Variants in UBE2Q2 observed in about 807,000 individuals in gnomAD.
UBE2Q2 encodes the protein ubiquitin conjugating enzyme E2 Q2, also known as ubiquitin-conjugating enzyme E2 Q2.
Under a neutral mutation model 59.9 loss-of-function variants are expected in UBE2Q2, and 54 were observed. That is an observed-to-expected ratio of 0.90 (90% CI 0.72 to 1.13). UBE2Q2 has a LOEUF of 1.13. UBE2Q2 is among the 50% of genes most tolerant of loss of function. The probability of loss-of-function intolerance (pLI) is 0.00; values close to 1 mark genes in which losing one functional copy is unlikely to be tolerated. For synonymous variants in UBE2Q2, 165 were observed against 155.2 expected (o/e 1.06, Z -0.47); for missense variants, 433 against 441.9 (o/e 0.98, Z 0.18).
chr15:75,858,228 A>G (rs1897019785), intron 2 of UBE2Q2, among the ~76,000 whole-genome samples: 1 of 152,144 alleles, frequency 6.6e-6, no homozygotes, highest in Non-Finnish European at 1.5e-5. Context: ...TCATCTCCAG[A>G]GTTTCAAACC....
intron 2 of UBE2Q2, 48 bp downstream of exon 2, chr15:75,854,535 A>G (rs1260430971): frequency 1.7e-6 from 2 of 1,164,300 alleles, no homozygotes; most frequent in South Asian, 1.4e-5. Flanking sequence ...TGAACATTAC[A>G]TATAGAAATT....
chr15:75,844,017 A>G (rs1030825430), intron 1 of UBE2Q2, 171 bp downstream of exon 1: 130 of 1,407,674 alleles, frequency 9.2e-5, no homozygotes, highest in Non-Finnish European at 1.0e-4. Context: ...GGACTGCGCG[A>G]GGCTTGGGTG....
intron 5 of UBE2Q2, among the ~76,000 whole-genome samples, chr15:75,873,814 G>C (rs1368061975): frequency 6.6e-6 from 1 of 152,132 alleles, no homozygotes; most frequent in African/African-American, 2.4e-5. Flanking sequence ...TGCTGCCTCA[G>C]CCTCCCAAGT....
chr15:75,865,169 A>G (rs1356166972), intron 3 of UBE2Q2, among the ~76,000 whole-genome samples: 1 of 152,248 alleles, frequency 6.6e-6, no homozygotes, highest in African/African-American at 2.4e-5. Flanking sequence ...CTTCTTCCTG[A>G]TCACTGTTCC....
intron 11 of UBE2Q2, among the ~76,000 whole-genome samples, chr15:75,891,833 T>C (rs1406624046): frequency 6.6e-6 from 1 of 152,162 alleles, no homozygotes; most frequent in Admixed American, 6.5e-5. Context: ...CAAGAATTTG[T>C]GGTTTAAAGG....
chr15:75,884,127 T>G lies in UBE2Q2; in HGVS notation c.884+703T>G, dbSNP rs867562852. 4.6e-5 allele frequency among the ~76,000 whole-genome samples: 7 copies of G among 152,100 alleles called. No individual in the cohort carries two copies. The South Asian group carries it at 1.5e-3, about 32-fold the overall frequency. ...TTATGGTTGGAAGTCTTACAGAAGGTGGGGAAAAGATCACAATTTGTTAGG... is the reference window on the plus strand; with the variant it reads ...TTATGGTTGGAAGTCTTACAGAAGGGGGGGAAAAGATCACAATTTGTTAGG... On this transcript the variant is annotated intron_variant, in intron 9 of 12. Coordinates refer to ENST00000267938, the MANE Select transcript of UBE2Q2 (RefSeq NM_173469.4).
intron 1 of UBE2Q2, among the ~76,000 whole-genome samples, chr15:75,852,928 C>T (rs2141549154): frequency 6.6e-6 from 1 of 152,330 alleles, no homozygotes; most frequent in South Asian, 2.1e-4. Flanking sequence ...TAAAAATATT[C>T]AGTTTCTGTG....
chr15:75,859,631 C>T (rs1897108510), intron 2 of UBE2Q2, among the ~76,000 whole-genome samples: 1 of 152,144 alleles, frequency 6.6e-6, no homozygotes, highest in South Asian at 2.1e-4. Flanking sequence ...AACTTCCTTC[C>T]TCTGCCCTTA....
intron 9 of UBE2Q2, among the ~76,000 whole-genome samples, chr15:75,888,430 C>T (rs1447757069): frequency 2.6e-5 from 4 of 152,156 alleles, no homozygotes; most frequent in Non-Finnish European, 5.9e-5. Flanking sequence ...ATAGTGTTTG[C>T]TGTACAACTT....
At position 75,876,294 on chromosome 15, in the gene UBE2Q2, T is replaced by G. The variant is rs746748719; in HGVS notation, c.673+23T>G. ...CAGGTAAGGATCTCTGGATCCCTGC[T>G]CTCTTTATGATTCTTCTGCTCTTTT... On this transcript the variant is annotated intron_variant, in intron 6 of 12. Coordinates refer to ENST00000267938, the MANE Select transcript of UBE2Q2 (RefSeq NM_173469.4). 2.5e-6 allele frequency: 4 copies of G among 1,580,658 alleles called. No homozygotes were observed. The South Asian group carries it at 4.5e-5, about 18-fold the overall frequency.
rs2028950 is a variant in UBE2Q2 at position 75,858,518 on chromosome 15, C to T, written c.283-1360C>T. 9.7e-3 allele frequency among the ~76,000 whole-genome samples: 1,471 copies of T among 152,262 alleles called. 25 individuals carry two copies. Among genetic ancestry groups the T allele is most frequent in the African/African-American group, 0.033 (1,361 of 41,540 alleles). On this transcript the variant is annotated intron_variant, in intron 2 of 12. Coordinates refer to ENST00000267938, the MANE Select transcript of UBE2Q2 (RefSeq NM_173469.4). ...TAGTAATTTTCTAAGACCTGTCCTT[C>T]TGAATGTCTCTTACTATTTTCCCTG... is the stretch of plus-strand genomic sequence containing the variant.
intron 1 of UBE2Q2, among the ~76,000 whole-genome samples, 166 bp from the exon 2 acceptor site, chr15:75,854,220 G>A (rs1896785065): frequency 6.6e-6 from 1 of 152,150 alleles, no homozygotes; most frequent in Non-Finnish European, 1.5e-5. Context: ...AAGGAGAATG[G>A]TTGTCTCAAA....
chr15:75,878,251 T>C (rs1292999640), intron 7 of UBE2Q2: 2 of 507,942 alleles, frequency 3.9e-6, no homozygotes, highest in Non-Finnish European at 6.9e-6. Flanking sequence ...ATAAAGTGTT[T>C]TATGGAGTTA....
chr15:75,844,295 C>G (rs1329934804), intron 1 of UBE2Q2: 2 of 1,545,524 alleles, frequency 1.3e-6, no homozygotes, highest in African/African-American at 2.7e-5. Context: ...GTCGGATTTT[C>G]CTTCTTCCCG....
Position 75,854,434 on chromosome 15 carries a change from C to A in UBE2Q2, c.229C>A (p.Pro77Thr), listed in dbSNP as rs373277569. ...GATATGGTTTGTGGATTCTGAAGAC[C>A]CAAATCTGACATCAGTTCTGGAACG... ...SPIWFVDSED[P>T]NLTSVLERLE... is the part of the protein sequence containing the mutation. Residue 77 changes from proline (P) to threonine (T), a missense_variant, in exon 2 of 13, where the codon CCA becomes ACA. Coordinates refer to ENST00000267938, the MANE Select transcript of UBE2Q2 (RefSeq NM_173469.4). The A allele has an allele frequency of 1.4e-5, 23 of 1,612,960 alleles. No homozygotes were observed. The African/African-American group carries it at 2.7e-4, about 19-fold the overall frequency.
Position 75,876,263 on chromosome 15 carries a change from A to G in UBE2Q2, c.665A>G (p.Tyr222Cys). Residue 222 changes from tyrosine (Y) to cysteine (C), a missense_variant, in exon 6 of 13, where the codon TAT becomes TGT. By Grantham distance (194) the Tyr-to-Cys change is radical (BLOSUM62 -2). Transcript: ENST00000267938. ...ELRDIYRSQS[Y>C]KTGIYSVELI... ...AGGGACATATACAGATCACAGAGTT[A>G]TAAAACAGGTAAGGATCTCTGGATC... 6.2e-7 allele frequency: 1 copy of G among 1,613,372 alleles called. No homozygotes were observed. Among genetic ancestry groups the G allele is most frequent in the South Asian group, 1.1e-5 (1 of 91,024 alleles).
intron 11 of UBE2Q2, among the ~76,000 whole-genome samples, chr15:75,893,338 G>A (rs1899211263): frequency 6.6e-6 from 1 of 152,150 alleles, no homozygotes; most frequent in African/African-American, 2.4e-5. Flanking sequence ...AACAAAATAG[G>A]ATTCTGGAAC....
intron 5 of UBE2Q2, 31 bp downstream of exon 5, chr15:75,873,599 C>G: frequency 1.3e-6 from 2 of 1,585,792 alleles, no homozygotes; most frequent in Non-Finnish European, 1.7e-6. Flanking sequence ...AGAACCTGGA[C>G]TTTTGTGGTT....
chr15:75,876,713 TAA>T (rs1173709692), intron 6 of UBE2Q2, among the ~76,000 whole-genome samples: 3 of 152,246 alleles, frequency 2.0e-5, no homozygotes, highest in Admixed American at 6.5e-5. Flanking sequence ...TTAAAATATA[TAA>T]GTTTTTAAAG....
Sources: gnomAD v4.1 joint callset for allele counts (sites outside exome capture counted in the v4.1 genomes callset) on GRCh38, gnomAD v4.1.1 for gene constraint, MANE v1.5 for transcripts, NCBI Gene and HGNC (gene_info 2026-07-23, HGNC 2026-07-21) for gene names.